The following PCDHGA6 variants were observed in gnomAD, a reference collection of about 807,000 sequenced individuals.
PCDHGA6 encodes the protein protocadherin gamma-A6.
PCDHGA6 carries 41 observed loss-of-function variants against 60.6 expected under a neutral mutation model. The ratio of observed to expected loss-of-function variants is 0.68; its 90% CI spans 0.53 to 0.88. The LOEUF (loss-of-function observed/expected upper bound fraction) is 0.88, where lower values mean the gene tolerates loss of function less well. Ranked by LOEUF, PCDHGA6 falls within the 40% of genes least tolerant of loss-of-function variation. The pLI is 0.00. For missense variants in PCDHGA6, 1,312 were observed against 1,203.0 expected, an observed-to-expected ratio of 1.09 and a Z score of -1.34; for synonymous variants, 594 against 524.4, an observed-to-expected ratio of 1.13 and a Z score of -1.81.
intron 1 of PCDHGA6, chr5:141,398,657 GT>G: frequency 6.2e-7 from 1 of 1,614,018 alleles, no homozygotes; most frequent in South Asian, 1.1e-5. Context: ...CTTAACCCAA[GT>G]TTCTCATTAA....
rs146615755 is a variant in PCDHGA6 at position 141,486,022 on chromosome 5, T to C, written c.2425-8785T>C. The C allele has an allele frequency of 1.2e-6, 2 of 1,614,030 alleles. No homozygotes were observed. Among genetic ancestry groups the C allele is most frequent in the Non-Finnish European group, 1.7e-6 (2 of 1,180,036 alleles). Reference sequence around the variant, plus strand: ...GTAACGTCACCTTTTATTTCAGTGGTCATACCCCTGATCGTGTAAGAAACC... The same window carrying C: ...GTAACGTCACCTTTTATTTCAGTGGCCATACCCCTGATCGTGTAAGAAACC... On this transcript the variant is annotated intron_variant, in intron 1 of 3. Coordinates refer to ENST00000517434, the MANE Select transcript of PCDHGA6 (RefSeq NM_018919.3). The surrounding 1 kb of genome is among the most constrained non-coding windows in gnomAD (Gnocchi z 5.0).
At chr5:141,426,693 A>G (rs62378458) in intron 1 of PCDHGA6, 1 of 435,784 alleles carries the variant, frequency 2.3e-6, no homozygotes, top group African/African-American at 2.0e-5. Flanking sequence ...CCAAAATAGC[A>G]TTGTTTTACA....
In PCDHGA6 at chr5:141,404,331, A is replaced by G. The variant is rs201757016; in HGVS notation, c.2424+27824A>G. On this transcript the variant is annotated intron_variant, in intron 1 of 3. Coordinates refer to ENST00000517434, the MANE Select transcript of PCDHGA6 (RefSeq NM_018919.3). ...TTCTCTCAAGCCTCCTACTCAGTCT[A>G]CCTCCCGGAAAACAACGCCAGAGGT... 101 of 1,613,692 alleles carry G rather than the reference A, an allele frequency of 6.3e-5. 1 individual carries two copies. The highest frequency in any genetic ancestry group is 6.0e-4 in the African/African-American group (45 of 74,944).
intron 1 of PCDHGA6, chr5:141,400,231 G>C: frequency 6.2e-7 from 1 of 1,613,988 alleles, no homozygotes; most frequent in South Asian, 1.1e-5. Context: ...CTTCCTCCTG[G>C]CCGTGATTCT....
In PCDHGA6 at chr5:141,476,575, C is replaced by A; in HGVS notation, c.2425-18232C>A. 6 of 1,614,232 alleles carry A rather than the reference C, an allele frequency of 3.7e-6. No homozygotes were observed. The highest frequency in any genetic ancestry group is 5.1e-6 in the Non-Finnish European group (6 of 1,180,042). The stretch of plus-strand genomic sequence containing the variant: ...GCGAGGCCGTGGCTCCGGGGACGCG[C>A]TTTCCGCTCGAGAGCGCGCACGATC... On this transcript the variant is annotated intron_variant, in intron 1 of 3. Transcript: ENST00000517434. This position sits in a 1 kb window ranked among gnomAD's most constrained non-coding sequence, Gnocchi z 7.6.
intron 1 of PCDHGA6, among the ~76,000 whole-genome samples, chr5:141,464,019 C>A (rs1285414825): frequency 2.0e-5 from 3 of 151,984 alleles, no homozygotes; most frequent in African/African-American, 4.8e-5. Context: ...TAATCCCACA[C>A]TTTGGGAGGC....
intron 1 of PCDHGA6, among the ~76,000 whole-genome samples, chr5:141,469,716 A>G (rs1189597018): frequency 3.9e-5 from 6 of 152,260 alleles, no homozygotes; most frequent in African/African-American, 1.4e-4. Context: ...CACTATTAGG[A>G]ATTTATCATA....
In PCDHGA6 at chr5:141,418,980, A is replaced by G; in HGVS notation, c.2424+42473A>G. 1 of 1,614,004 alleles carries G rather than the reference A, an allele frequency of 6.2e-7. No individual in the cohort carries two copies. ...GTTGCCCTCTTCAAAACACGGGACC[A>G]AGACTCAGGGGAAAATGGGGAAGTC... On this transcript the variant is annotated intron_variant, in intron 1 of 3. Transcript: ENST00000517434.
chr5:141,400,245 C>G (rs778709619), intron 1 of PCDHGA6: 32 of 1,613,998 alleles, frequency 2.0e-5, no homozygotes, highest in Non-Finnish European at 2.5e-5. Flanking sequence ...TGATTCTGGC[C>G]GTTGCCTTGC....
At chr5:141,406,072 C>CT (rs530474569) in intron 1 of PCDHGA6, among the ~76,000 whole-genome samples, 26,413 of 141,282 alleles carry the variant, frequency 0.19, 2,878 homozygotes, top group African/African-American at 0.31. Context: ...ATTCTTACTC[C>CT]TTTTTTTTTT....
intron 2 of PCDHGA6, among the ~76,000 whole-genome samples, chr5:141,497,643 G>A (rs773129390): frequency 6.6e-6 from 1 of 151,192 alleles, no homozygotes; most frequent in African/African-American, 2.4e-5. Context: ...AGGTTCAAGC[G>A]ATTCTCCTGC....
chr5:141,491,034 T>A lies in PCDHGA6; in HGVS notation c.2425-3773T>A. On this transcript the variant is annotated intron_variant, in intron 1 of 3. Coordinates refer to ENST00000517434, the MANE Select transcript of PCDHGA6 (RefSeq NM_018919.3). This position sits in a 1 kb window ranked among gnomAD's most constrained non-coding sequence, Gnocchi z 6.9. ...CCAAGGTGACAGCCGTGGATGCTGA[T>A]GCAGGCCACAATGCGTGGCTCTCCT... 1 of 1,614,170 alleles carries A rather than the reference T, an allele frequency of 6.2e-7. No individual in the cohort carries two copies. Among genetic ancestry groups the A allele is most frequent in the African/African-American group, 1.3e-5 (1 of 75,074 alleles).
intron 1 of PCDHGA6, chr5:141,419,929 T>C: frequency 6.2e-7 from 1 of 1,614,076 alleles, no homozygotes; most frequent in Non-Finnish European, 8.5e-7. Context: ...AGATGCAGTT[T>C]TACCTGGTGG....
Position 141,485,119 on chromosome 5 carries a change from C to A in PCDHGA6, c.2425-9688C>A. 3.0e-6 allele frequency: 4 copies of A among 1,328,812 alleles called. No homozygotes were observed. Among genetic ancestry groups the A allele is most frequent in the Non-Finnish European group, 4.3e-6 (4 of 935,940 alleles). The allele number at this position is 1,328,812 out of a possible 1,614,324, so 82.3% of individuals were successfully genotyped here. ...CTCCAGCTGCTGTGGCTGTTTGGGG[C>A]GGGTCGGCTTCATCCGCGTCTCAGG... On this transcript the variant is annotated intron_variant, in intron 1 of 3. Transcript: ENST00000517434. This position sits in a 1 kb window ranked among gnomAD's most constrained non-coding sequence, Gnocchi z 5.7.
intron 1 of PCDHGA6, chr5:141,415,661 T>C: frequency 6.3e-7 from 1 of 1,582,308 alleles, no homozygotes; most frequent in East Asian, 2.3e-5. Flanking sequence ...AAGATTGGTT[T>C]TTACTTTGAA....
Position 141,399,560 on chromosome 5 carries a change from G to A in PCDHGA6, c.2424+23053G>A, listed in dbSNP as rs1354621756. The A allele has an allele frequency of 6.8e-6, 11 of 1,613,906 alleles. No homozygotes were observed. The Admixed American group carries it at 1.3e-4, about 20-fold the overall frequency. ...GTCTGCGCCTCGGACCTGGACTTGG[G>A]GTTGAACGGCCAAGTCTCCTACTCT... is the stretch of plus-strand genomic sequence containing the variant. On this transcript the variant is annotated intron_variant, in intron 1 of 3. Coordinates refer to ENST00000517434, the MANE Select transcript of PCDHGA6 (RefSeq NM_018919.3).
At chr5:141,414,899 G>T (rs756810046) in intron 1 of PCDHGA6, 1 of 1,614,182 alleles carries the variant, frequency 6.2e-7, no homozygotes, top group Non-Finnish European at 8.5e-7. Context: ...CCCACAGACG[G>T]TTCCACAGGC....
At position 141,431,965 on chromosome 5, in the gene PCDHGA6, T is replaced by G. The variant is rs765281339; in HGVS notation, c.2424+55458T>G. ...TAGAAAAATCTTACGGAAATTACTATAGTTTAGTCACAGACATAGTCTTGG... is the reference window on the plus strand; with the variant it reads ...TAGAAAAATCTTACGGAAATTACTAGAGTTTAGTCACAGACATAGTCTTGG... On this transcript the variant is annotated intron_variant, in intron 1 of 3. Coordinates refer to ENST00000517434, the MANE Select transcript of PCDHGA6 (RefSeq NM_018919.3). This position sits in a 1 kb window ranked among gnomAD's most constrained non-coding sequence, Gnocchi z 4.8. The G allele has an allele frequency of 1.2e-6, 2 of 1,614,216 alleles. No individual in the cohort carries two copies. Among genetic ancestry groups the G allele is most frequent in the East Asian group, 4.5e-5 (2 of 44,892 alleles).
chr5:141,494,762 A>G (rs770570158), intron 1 of PCDHGA6, 45 bp from the exon 2 acceptor site: 1 of 1,613,200 alleles, frequency 6.2e-7, no homozygotes, highest in South Asian at 1.1e-5. Flanking sequence ...TGACATTCTA[A>G]CTTCTCACGG....
Sources: gnomAD v4.1 joint callset for allele counts (sites outside exome capture counted in the v4.1 genomes callset) on GRCh38, gnomAD v4.1.1 for gene constraint, Gnocchi (gnomAD v3.1) non-coding constraint, MANE v1.5 for transcripts, NCBI Gene and HGNC (gene_info 2026-07-23, HGNC 2026-07-21) for gene names.